Variants in DCC observed in about 807,000 individuals in gnomAD.
DCC encodes netrin receptor DCC.
In DCC, 58 loss-of-function variants were observed where a neutral mutation model predicts 172.5. The observed-to-expected ratio is 0.34, with a 90% CI of 0.27 to 0.42. The LOEUF is 0.42. Ranked by LOEUF, DCC falls within the 10% of genes least tolerant of loss-of-function variation. The pLI is 1.00. For missense variants in DCC, 1,740 were observed against 1,791.0 expected (o/e 0.97, Z 0.51); for synonymous variants, 709 against 644.5 (o/e 1.10, Z -1.52).
intron 1 of DCC, among the ~76,000 whole-genome samples, chr18:52,465,919 G>A (rs1479633726): frequency 6.6e-6 from 1 of 151,934 alleles, no homozygotes; most frequent in Non-Finnish European, 1.5e-5. Flanking sequence ...CCAGATATAG[G>A]GAAAACAGCA....
intron 5 of DCC, among the ~76,000 whole-genome samples, chr18:53,032,856 A>C (rs2042043909): frequency 6.6e-6 from 1 of 152,112 alleles, no homozygotes; most frequent in Non-Finnish European, 1.5e-5. Flanking sequence ...TCAGACTAAC[A>C]CTTGAGGTGG....
At chr18:52,898,978 A>G (rs982303944) in intron 2 of DCC, among the ~76,000 whole-genome samples, 2 of 152,162 alleles carry the variant, frequency 1.3e-5, no homozygotes, top group Non-Finnish European at 2.9e-5. Context: ...CTACTGATTT[A>G]CAATTGAACT....
intron 1 of DCC, among the ~76,000 whole-genome samples, chr18:52,578,905 C>T (rs1598928021): frequency 6.6e-6 from 1 of 152,116 alleles, no homozygotes; most frequent in Non-Finnish European, 1.5e-5. Context: ...GGCTTGAACC[C>T]AGGAGGTGGA....
chr18:53,117,059 A>G (rs894451029), intron 7 of DCC, among the ~76,000 whole-genome samples: 2 of 151,726 alleles, frequency 1.3e-5, no homozygotes, highest in South Asian at 2.1e-4. Context: ...AAATGCATAT[A>G]TAAGTCTTTC....
chr18:53,169,026 C>G (rs1253319929), intron 8 of DCC, among the ~76,000 whole-genome samples: 1 of 152,152 alleles, frequency 6.6e-6, no homozygotes. Flanking sequence ...TATTATAATG[C>G]AATACATTTA....
chr18:52,905,973 T>C, intron 2 of DCC, 71 bp from the exon 3 acceptor site: 1 of 1,025,698 alleles, frequency 9.7e-7, no homozygotes, highest in African/African-American at 1.6e-5. Flanking sequence ...GAATACAAAG[T>C]GATTATTTTT....
At chr18:53,264,008 G>A (rs933946574) in intron 12 of DCC, among the ~76,000 whole-genome samples, 6 of 152,126 alleles carry the variant, frequency 3.9e-5, no homozygotes, top group Admixed American at 6.6e-5. Flanking sequence ...TATTTTCAAA[G>A]AAGGGTTAAA....
At chr18:52,860,100 G>C (rs904488870) in intron 2 of DCC, among the ~76,000 whole-genome samples, 1 of 152,168 alleles carries the variant, frequency 6.6e-6, no homozygotes, top group Non-Finnish European at 1.5e-5. Context: ...TCTAATAAGA[G>C]GCATTTCTAT....
At chr18:52,741,938 G>T (rs916078956) in intron 1 of DCC, among the ~76,000 whole-genome samples, 1 of 152,140 alleles carries the variant, frequency 6.6e-6, no homozygotes, top group Non-Finnish European at 1.5e-5. Context: ...ACTTTGGGGA[G>T]ATAATTAGGG....
chr18:53,382,069 A>AACACACACACACAC lies in DCC; in HGVS notation c.2360-3951_2360-3938dup, dbSNP rs61553123. ...TTTCTCTCTCTCTCTGATTAAAAACAACACACACACACACACACACACACA... is the reference window on the plus strand; with the variant it reads ...TTTCTCTCTCTCTCTGATTAAAAACAACACACACACACACACACACACACACACACACACACACA... On this transcript the variant is annotated intron_variant, in intron 15 of 28. Coordinates refer to ENST00000442544, the MANE Select transcript of DCC (RefSeq NM_005215.4). Among the ~76,000 whole-genome samples the AACACACACACACAC allele has an allele frequency of 4.1e-3, 506 of 122,916 alleles. 3 individuals carry two copies. Among genetic ancestry groups the AACACACACACACAC allele is most frequent in the Middle Eastern group, 0.012 (3 of 246 alleles). 80.6% of individuals were successfully genotyped at this position (122,916 alleles called of 152,430 possible).
intron 9 of DCC, among the ~76,000 whole-genome samples, chr18:53,179,641 A>G (rs1009262595): frequency 6.6e-6 from 1 of 152,194 alleles, no homozygotes; most frequent in Non-Finnish European, 1.5e-5. Context: ...TCTACCTTGA[A>G]TCACTAGATT....
At chr18:52,642,018 ATATATATATATATATATATATATATAT>A (rs2034904995) in intron 1 of DCC, among the ~76,000 whole-genome samples, 1 of 11,170 alleles carries the variant, frequency 9.0e-5, no homozygotes, top group African/African-American at 1.1e-4. Flanking sequence ...GTGTGTGTAT[ATATATATATATATATATATATATATAT>A]ACTGTGGTGT....
intron 27 of DCC, among the ~76,000 whole-genome samples, chr18:53,518,458 A>C (rs1353848909): frequency 2.0e-5 from 3 of 152,136 alleles, no homozygotes; most frequent in Non-Finnish European, 4.4e-5. Context: ...AGATGCTAGC[A>C]GGAGTCTGCA....
At chr18:52,980,978 G>A (rs1401994901) in intron 5 of DCC, among the ~76,000 whole-genome samples, 3 of 147,416 alleles carry the variant, frequency 2.0e-5, no homozygotes, top group Non-Finnish European at 4.5e-5. Flanking sequence ...CAACAATAAT[G>A]CCAGGAAGGT....
At chr18:53,255,331 C>A (rs1436884687) in intron 12 of DCC, among the ~76,000 whole-genome samples, 3 of 151,044 alleles carry the variant, frequency 2.0e-5, no homozygotes, top group Non-Finnish European at 4.4e-5. Flanking sequence ...CTTCATTTAA[C>A]ATTAGGTATA....
chr18:52,422,262 C>G lies in DCC; in HGVS notation c.91+81384C>G, dbSNP rs534449928. Among the ~76,000 whole-genome samples the G allele has an allele frequency of 7.2e-5, 11 of 152,282 alleles. No individual in the cohort carries two copies. In the South Asian group the frequency reaches 1.7e-3, roughly 23 times the overall value. ...TGATTGATTGGCAAATCTTAGAGAA[C>G]AATTCACATCCAGATGTTTATAGCT... is the stretch of plus-strand genomic sequence containing the variant. On this transcript the variant is annotated intron_variant, in intron 1 of 28. Transcript: ENST00000442544.
chr18:52,404,045 G>A (rs1986542005), intron 1 of DCC, among the ~76,000 whole-genome samples: 1 of 152,122 alleles, frequency 6.6e-6, no homozygotes, highest in Middle Eastern at 3.4e-3. Flanking sequence ...TATTCCAACA[G>A]GGCATGTCTT....
intron 1 of DCC, among the ~76,000 whole-genome samples, chr18:52,396,249 TAATAA>T (rs1986222785): frequency 6.6e-6 from 1 of 151,172 alleles, no homozygotes; most frequent in African/African-American, 2.4e-5. Flanking sequence ...ACTTCAATAA[TAATAA>T]AATAACACTG....
intron 1 of DCC, among the ~76,000 whole-genome samples, chr18:52,350,744 G>C (rs917469757): frequency 1.3e-5 from 2 of 152,114 alleles, no homozygotes; most frequent in African/African-American, 4.8e-5. Context: ...TCCCTAAATT[G>C]ATTGGACCAA....
Sources: allele counts gnomAD v4.1 joint callset (sites outside exome capture counted in the v4.1 genomes callset), GRCh38; gene constraint gnomAD v4.1.1; transcripts MANE v1.5; gene names NCBI Gene and HGNC (gene_info 2026-07-23, HGNC 2026-07-21).